Variants in MDGA2 observed in about 807,000 individuals in gnomAD.
MDGA2 encodes the protein MAM domain containing glycosylphosphatidylinositol anchor 2.
In MDGA2, 40 loss-of-function variants were observed where a neutral mutation model predicts 117.8. That is an observed-to-expected ratio of 0.34 (90% CI 0.26 to 0.44). The LOEUF (loss-of-function observed/expected upper bound fraction) is 0.44, where lower values mean the gene tolerates loss of function less well. MDGA2 is among the 20% of genes least tolerant of loss of function. MDGA2 has a pLI of 1.00. For synonymous variants in MDGA2, 452 were observed against 439.0 expected, an observed-to-expected ratio of 1.03 and a Z score of -0.37; for missense variants, 1,123 against 1,250.6, an observed-to-expected ratio of 0.90 and a Z score of 1.54.
chr14:47,613,479 T>TCACACACA (rs1555336468), intron 1 of MDGA2, among the ~76,000 whole-genome samples: 68 of 141,162 alleles, frequency 4.8e-4, no homozygotes, highest in East Asian at 2.4e-3. Flanking sequence ...TCTCTCTCTC[T>TCACACACA]CACACACACA....
intron 3 of MDGA2, among the ~76,000 whole-genome samples, chr14:47,162,383 A>G (rs1185280446): frequency 6.6e-6 from 1 of 152,162 alleles, no homozygotes; most frequent in Non-Finnish European, 1.5e-5. Context: ...GGTCAATGAC[A>G]TGGTCACTGG....
intron 8 of MDGA2, among the ~76,000 whole-genome samples, chr14:47,015,433 A>G (rs1009475466): frequency 6.6e-6 from 1 of 151,962 alleles, no homozygotes; most frequent in Admixed American, 6.6e-5. Flanking sequence ...AAATATTCCT[A>G]ACTATCTTCA....
intron 1 of MDGA2, among the ~76,000 whole-genome samples, chr14:47,537,805 T>C (rs751366289): frequency 1.2e-4 from 18 of 152,082 alleles, no homozygotes; most frequent in African/African-American, 4.1e-4. Context: ...CAGGGTTCAC[T>C]GCATTTCAAA....
intron 2 of MDGA2, among the ~76,000 whole-genome samples, chr14:47,253,192 C>CA (rs1310055223): frequency 6.6e-6 from 1 of 152,146 alleles, no homozygotes; most frequent in Admixed American, 6.5e-5. Context: ...TGGCCTCTCT[C>CA]AAATCTCATG....
intron 3 of MDGA2, among the ~76,000 whole-genome samples, chr14:47,206,898 G>A (rs191213347): frequency 2.8e-4 from 42 of 152,036 alleles, no homozygotes; most frequent in African/African-American, 9.6e-4. Context: ...CCTAAAAAAT[G>A]GAGAGATGAT....
chr14:47,482,720 C>G (rs982757100), intron 1 of MDGA2, among the ~76,000 whole-genome samples: 1 of 151,746 alleles, frequency 6.6e-6, no homozygotes. Flanking sequence ...ATTCTAACTC[C>G]TATGTTGATA....
Position 47,194,275 on chromosome 14 carries a change from C to G in MDGA2, c.595+23746G>C, listed in dbSNP as rs999864511. Among the ~76,000 whole-genome samples the G allele has an allele frequency of 3.3e-5, 5 of 152,202 alleles. No individual in the cohort carries two copies. In the South Asian group the frequency reaches 1.0e-3, roughly 32 times the overall value. On this transcript the variant is annotated intron_variant, in intron 3 of 16. Transcript: ENST00000399232. The stretch of plus-strand genomic sequence containing the variant: ...TTCATCCAGAAGAATGTGAGTCATT[C>G]ATTTCCCATTTTTCTTCTGCTGACT...
chr14:47,233,026 A>G (rs1307945828), intron 2 of MDGA2, among the ~76,000 whole-genome samples: 1 of 152,172 alleles, frequency 6.6e-6, no homozygotes, highest in Non-Finnish European at 1.5e-5. Flanking sequence ...TGTGCCTTCA[A>G]CTGAAAGTAA....
chr14:47,671,894 CTACTT>C (rs753249782), intron 1 of MDGA2, among the ~76,000 whole-genome samples: 25 of 152,216 alleles, frequency 1.6e-4, no homozygotes, highest in Non-Finnish European at 3.2e-4. Flanking sequence ...AAAAACAAAA[CTACTT>C]TAGGTTAAGA....
chr14:47,639,413 C>G (rs1897382289), intron 1 of MDGA2, among the ~76,000 whole-genome samples: 1 of 152,060 alleles, frequency 6.6e-6, no homozygotes, highest in Admixed American at 6.6e-5. Flanking sequence ...ACTTTCTTCC[C>G]CTTTGAATAT....
chr14:47,374,938 A>G (rs1309200102), intron 1 of MDGA2, among the ~76,000 whole-genome samples: 2 of 151,938 alleles, frequency 1.3e-5, no homozygotes, highest in Admixed American at 1.3e-4. Context: ...ACAACTAATC[A>G]TTTACTTATA....
At chr14:47,607,215 C>T (rs978900964) in intron 1 of MDGA2, among the ~76,000 whole-genome samples, 28 of 152,072 alleles carry the variant, frequency 1.8e-4, no homozygotes, top group African/African-American at 6.5e-4. Flanking sequence ...TGTGCTGCTT[C>T]CAAATCTCTG....
rs535524603 is a variant in MDGA2, at chr14:47,480,617, CT to C, written c.281-179068del. 6.1e-4 allele frequency among the ~76,000 whole-genome samples: 92 copies of C among 150,824 alleles called. 1 individual carries two copies. Among genetic ancestry groups the C allele is most frequent in the Middle Eastern group, 3.4e-3 (1 of 292 alleles). On this transcript the variant is annotated intron_variant, in intron 1 of 16. Transcript: ENST00000399232. ...AAATACTATTTTCTTGCATTTTTGCCTTTTTTTTCAAAAGTGATGAAGATGC... is the reference window on the plus strand; with the variant it reads ...AAATACTATTTTCTTGCATTTTTGCCTTTTTTTCAAAAGTGATGAAGATGC...
At chr14:46,959,640 T>G (rs1297188322) in intron 8 of MDGA2, among the ~76,000 whole-genome samples, 1 of 152,106 alleles carries the variant, frequency 6.6e-6, no homozygotes, top group Non-Finnish European at 1.5e-5. Context: ...GTAACATTAT[T>G]TTGTACTATT....
intron 1 of MDGA2, among the ~76,000 whole-genome samples, chr14:47,438,176 G>T (rs1484474180): frequency 6.6e-6 from 1 of 152,106 alleles, no homozygotes; most frequent in Non-Finnish European, 1.5e-5. Flanking sequence ...AACCATCTGT[G>T]CATTGATTTA....
At chr14:47,001,646 C>T (rs951202506) in intron 8 of MDGA2, among the ~76,000 whole-genome samples, 1 of 152,032 alleles carries the variant, frequency 6.6e-6, no homozygotes, top group Non-Finnish European at 1.5e-5. Flanking sequence ...ACAAATGAAA[C>T]TGCAAACTAC....
intron 1 of MDGA2, among the ~76,000 whole-genome samples, chr14:47,361,088 C>A (rs185565613): frequency 2.3e-4 from 35 of 151,736 alleles, no homozygotes; most frequent in African/African-American, 7.5e-4. Flanking sequence ...TCTTGCCACA[C>A]CAAAAAATTG....
intron 4 of MDGA2, among the ~76,000 whole-genome samples, chr14:47,141,260 G>A (rs1882705504): frequency 6.6e-6 from 1 of 152,116 alleles, no homozygotes; most frequent in Non-Finnish European, 1.5e-5. Context: ...ATTAAAAATA[G>A]AGCTATAATA....
intron 3 of MDGA2, among the ~76,000 whole-genome samples, chr14:47,146,891 G>A (rs997817300): frequency 6.6e-6 from 1 of 152,126 alleles, no homozygotes; most frequent in Non-Finnish European, 1.5e-5. Flanking sequence ...AACCAAACCT[G>A]TTCTTCCCTG....
Sources: gnomAD v4.1 joint callset for allele counts (sites outside exome capture counted in the v4.1 genomes callset) on GRCh38, gnomAD v4.1.1 for gene constraint, MANE v1.5 for transcripts, NCBI Gene and HGNC (gene_info 2026-07-23, HGNC 2026-07-21) for gene names.